Variants in CDC14B observed in about 807,000 individuals in gnomAD.
CDC14B encodes dual specificity protein phosphatase CDC14B.
CDC14B carries 22 observed loss-of-function variants against 64.2 expected under a neutral mutation model. The ratio of observed to expected loss-of-function variants is 0.34; its 90% CI spans 0.24 to 0.49. The LOEUF (loss-of-function observed/expected upper bound fraction) is 0.49. CDC14B is among the 20% of genes least tolerant of loss of function. The pLI is 0.99. For missense variants in CDC14B, 498 were observed against 629.9 expected, an observed-to-expected ratio of 0.79 and a Z score of 2.24; for synonymous variants, 191 against 215.8, an observed-to-expected ratio of 0.89 and a Z score of 1.01.
chr9:96,571,262 G>A (rs527251712), intron 1 of CDC14B, among the ~76,000 whole-genome samples: 1 of 151,212 alleles, frequency 6.6e-6, no homozygotes, highest in South Asian at 2.1e-4. Context: ...TGCAACCTCT[G>A]CTTCCTGGGT....
At chr9:96,493,856 C>T (rs563239335) in intron 13 of CDC14B, among the ~76,000 whole-genome samples, 2 of 152,330 alleles carry the variant, frequency 1.3e-5, no homozygotes, top group African/African-American at 2.4e-5. Flanking sequence ...CTTGTAACCA[C>T]GTTTTCCTCC....
chr9:96,523,884 T>C (rs577346030), intron 9 of CDC14B, among the ~76,000 whole-genome samples, 159 bp from the exon 10 acceptor site: 2 of 152,372 alleles, frequency 1.3e-5, no homozygotes, highest in African/African-American at 4.8e-5. Flanking sequence ...GAGAGGTTTT[T>C]AAATACTGAT....
chr9:96,618,647 G>A lies in CDC14B; in HGVS notation c.160+572C>T, dbSNP rs112600242. 8.8e-3 allele frequency: 4,622 copies of A among 524,914 alleles called. 176 individuals are homozygous for A. Among genetic ancestry groups the A allele is most frequent in the African/African-American group, 0.079 (4,083 of 52,004 alleles). 32.5% of individuals were successfully genotyped at this position (524,914 alleles called of 1,614,324 possible). A position where few individuals can be genotyped will look rare whatever the true frequency, so the allele number is the denominator to read the frequency against. ...GAGGCGTTCGGGGGGCGCGCTAGGG[G>A]GCAGGGCGCGGGAGGCCCAGGAGAG... On this transcript the variant is annotated intron_variant, in intron 1 of 13. Transcript: ENST00000375241.
At chr9:96,592,325 G>A (rs1331560757) in intron 1 of CDC14B, among the ~76,000 whole-genome samples, 2 of 152,040 alleles carry the variant, frequency 1.3e-5, no homozygotes, top group Non-Finnish European at 2.9e-5. Context: ...TGATCCACTC[G>A]CCTCTGCCTG....
At chr9:96,615,343 T>C (rs1164413445) in intron 1 of CDC14B, among the ~76,000 whole-genome samples, 1 of 152,166 alleles carries the variant, frequency 6.6e-6, no homozygotes, top group Non-Finnish European at 1.5e-5. Context: ...TGTGGGTGGC[T>C]AGATACTAAA....
At position 96,509,804 on chromosome 9, in the gene CDC14B, A is replaced by C. The variant is rs1834660497; in HGVS notation, c.1344-15T>G. The C allele has an allele frequency of 6.7e-7, 1 of 1,491,712 alleles. No homozygotes were observed. Among genetic ancestry groups the C allele is most frequent in the Non-Finnish European group, 9.3e-7 (1 of 1,073,308 alleles). 92.4% of individuals were successfully genotyped at this position (1,491,712 alleles called of 1,614,324 possible). ...GAAGAATTACTCTGAAAATAGTTGG[A>C]AAAAAATAAGATTATATTCACTGAA... On this transcript the variant is annotated splice_polypyrimidine_tract_variant and intron_variant, in intron 12 of 13. Transcript: ENST00000375241.
chr9:96,501,687 G>C lies in CDC14B; in HGVS notation c.*2066C>G, dbSNP rs1833572887. ...ATTTTTAGAAAGAGCCACAGTGATA[G>C]CAATTCTAGGTGGAAACTTGAGCAG... On this transcript the variant is annotated 3_prime_UTR_variant, in exon 14 of 14. Coordinates refer to ENST00000375241, the MANE Select transcript of CDC14B (RefSeq NM_033331.4). 1.3e-5 allele frequency: 2 copies of C among 152,526 alleles called. No individual in the cohort carries two copies. Among genetic ancestry groups the C allele is most frequent in the Admixed American group, 1.3e-4 (2 of 15,284 alleles). 9.4% of individuals were successfully genotyped at this position (152,526 alleles called of 1,614,324 possible).
At chr9:96,585,163 T>C (rs1845386293) in intron 1 of CDC14B, among the ~76,000 whole-genome samples, 1 of 152,116 alleles carries the variant, frequency 6.6e-6, no homozygotes, top group African/African-American at 2.4e-5. Flanking sequence ...TCATGCCAAT[T>C]GCACTGTTGT....
chr9:96,534,628 CA>C, intron 7 of CDC14B, 86 bp from the exon 8 acceptor site: 1 of 856,052 alleles, frequency 1.2e-6, no homozygotes, highest in Non-Finnish European at 1.9e-6. Context: ...TGAAGGACTT[CA>C]AACTCATTTG....
intron 1 of CDC14B, among the ~76,000 whole-genome samples, chr9:96,608,960 T>C (rs1035990300): frequency 8.6e-5 from 13 of 151,202 alleles, no homozygotes; most frequent in African/African-American, 2.9e-4. Context: ...TCACCAGACA[T>C]TGGAAAAATT....
intron 1 of CDC14B, among the ~76,000 whole-genome samples, chr9:96,617,509 T>C (rs1847705981): frequency 1.3e-5 from 2 of 152,112 alleles, no homozygotes; most frequent in Admixed American, 1.3e-4. Flanking sequence ...AAGCAGTAAT[T>C]AAAATCAAGT....
chr9:96,530,351 G>A (rs971938761), intron 9 of CDC14B, among the ~76,000 whole-genome samples: 1 of 149,914 alleles, frequency 6.7e-6, no homozygotes, highest in Non-Finnish European at 1.5e-5. Context: ...GGAGTGCAGT[G>A]GCGAGATCTC....
At chr9:96,523,550 T>C (rs1176671861) in intron 10 of CDC14B, 37 bp downstream of exon 10, 3 of 1,613,032 alleles carry the variant, frequency 1.9e-6, no homozygotes, top group African/African-American at 1.3e-5. Context: ...CAACCCCACA[T>C]GTTCCCTGGG....
chr9:96,616,551 C>G (rs1215827626), intron 1 of CDC14B, among the ~76,000 whole-genome samples: 1 of 151,866 alleles, frequency 6.6e-6, no homozygotes, highest in African/African-American at 2.4e-5. Context: ...TGGTGAAACA[C>G]TGTCTCTACT....
At chr9:96,566,888 A>G in intron 1 of CDC14B, 1 of 1,557,564 alleles carries the variant, frequency 6.4e-7, no homozygotes, top group Admixed American at 1.9e-5. Context: ...CGCCGCGACC[A>G]CACCCCCGAA....
At chr9:96,591,511 A>C (rs1446556310) in intron 1 of CDC14B, among the ~76,000 whole-genome samples, 1 of 151,922 alleles carries the variant, frequency 6.6e-6, no homozygotes, top group Non-Finnish European at 1.5e-5. Context: ...CAGGAATTGA[A>C]GCCTCTAGCT....
rs149103789 is a variant in CDC14B at position 96,494,653 on chromosome 9, T to G, written c.*81-1401A>C. ...CACAGCTACGCCTTGGGCCAATCAG[T>G]CCTCTGTGGGGAAAATCAGGGAACC... On this transcript the variant is annotated intron_variant and NMD_transcript_variant, in intron 13 of 13. Transcript: ENST00000474602. Among the ~76,000 whole-genome samples, 691 of 152,254 alleles carry G rather than the reference T, an allele frequency of 4.5e-3. 7 individuals are homozygous for G. The highest frequency in any genetic ancestry group is 0.016 in the African/African-American group (666 of 41,560).
At chr9:96,616,621 G>A (rs1588087778) in intron 1 of CDC14B, among the ~76,000 whole-genome samples, 1 of 148,954 alleles carries the variant, frequency 6.7e-6, no homozygotes, top group African/African-American at 2.5e-5. Flanking sequence ...CTACTTGGGA[G>A]GCTGAGGCAG....
intron 5 of CDC14B, among the ~76,000 whole-genome samples, chr9:96,542,311 ATATGTGTG>A (rs1313238126): frequency 6.6e-6 from 1 of 151,738 alleles, no homozygotes; most frequent in Admixed American, 6.6e-5. Context: ...TGTAATAAAC[ATATGTGTG>A]TATGTGTGTC....
Sources: allele counts gnomAD v4.1 joint callset (sites outside exome capture counted in the v4.1 genomes callset), GRCh38; gene constraint gnomAD v4.1.1; transcripts MANE v1.5; gene names NCBI Gene and HGNC (gene_info 2026-07-23, HGNC 2026-07-21).